The following TSHZ2 variants were observed in gnomAD, a reference collection of about 807,000 sequenced individuals.
TSHZ2 encodes the protein teashirt homolog 2.
In TSHZ2, 21 loss-of-function variants were observed where a neutral mutation model predicts 74.4. The observed-to-expected ratio is 0.28, with a 90% CI of 0.20 to 0.41. The LOEUF (loss-of-function observed/expected upper bound fraction) is 0.41, where lower values mean the gene tolerates loss of function less well. Among genes scored for constraint, TSHZ2 ranks in the 10% least tolerant of loss-of-function variants. The pLI is 1.00. For synonymous variants in TSHZ2, 540 were observed against 515.3 expected (o/e 1.05, Z -0.65); for missense variants, 1,244 against 1,293.5 (o/e 0.96, Z 0.59).
intron 2 of TSHZ2, among the ~76,000 whole-genome samples, chr20:53,372,834 T>C (rs1049379975): frequency 6.6e-6 from 1 of 152,214 alleles, no homozygotes; most frequent in Non-Finnish European, 1.5e-5. Context: ...TTAAGCTTCA[T>C]TGAACCTCTC....
chr20:53,329,419 A>G (rs1029003068), intron 2 of TSHZ2, among the ~76,000 whole-genome samples: 1 of 152,216 alleles, frequency 6.6e-6, no homozygotes, highest in African/African-American at 2.4e-5. Context: ...AGACCCCAGG[A>G]CTGTATTTCT....
chr20:53,265,754 A>G (rs1049891643), intron 2 of TSHZ2, among the ~76,000 whole-genome samples: 1 of 152,208 alleles, frequency 6.6e-6, no homozygotes, highest in African/African-American at 2.4e-5. Context: ...GGAAGGTTTT[A>G]CATACACATA....
chr20:53,134,170 T>C (rs1439011782), intron 1 of TSHZ2, among the ~76,000 whole-genome samples: 2 of 152,166 alleles, frequency 1.3e-5, no homozygotes, highest in African/African-American at 2.4e-5. Context: ...GCCAGACCAA[T>C]AGCAACCTCT....
intron 2 of TSHZ2, among the ~76,000 whole-genome samples, chr20:53,418,923 C>T (rs1475909112): frequency 6.6e-6 from 1 of 152,152 alleles, no homozygotes; most frequent in Non-Finnish European, 1.5e-5. Flanking sequence ...TGACTAACTC[C>T]TCTAAAGCCA....
chr20:53,145,058 C>G (rs1568781219), intron 1 of TSHZ2, among the ~76,000 whole-genome samples: 1 of 152,030 alleles, frequency 6.6e-6, no homozygotes, highest in Non-Finnish European at 1.5e-5. Flanking sequence ...AGAATGTATT[C>G]AACTAAAATT....
Position 53,443,410 on chromosome 20 carries a change from C to G in TSHZ2, c.*9-43734C>G, listed in dbSNP as rs118030380. Reference sequence around the variant, plus strand: ...TGAACTGGGACAGTTTAGACTGCATCTTGATCAACTCTAAATAGGAGAAAA... The same window carrying G: ...TGAACTGGGACAGTTTAGACTGCATGTTGATCAACTCTAAATAGGAGAAAA... On this transcript the variant is annotated intron_variant, in intron 2 of 2. Transcript: ENST00000371497. 3.3e-4 allele frequency among the ~76,000 whole-genome samples: 51 copies of G among 152,272 alleles called. No homozygotes were observed. The East Asian group carries it at 9.1e-3, about 27-fold the overall frequency.
chr20:53,251,528 T>C (rs1447549061), intron 1 of TSHZ2, among the ~76,000 whole-genome samples: 1 of 152,226 alleles, frequency 6.6e-6, no homozygotes, highest in African/African-American at 2.4e-5. Context: ...CGCTTATTAA[T>C]GGTTTTTTGA....
intron 2 of TSHZ2, among the ~76,000 whole-genome samples, chr20:53,371,896 AAAAG>A (rs1337891491): frequency 1.3e-5 from 2 of 151,804 alleles, no homozygotes; most frequent in Middle Eastern, 3.4e-3. Context: ...AAAGAAAAAA[AAAAG>A]AGTCAGCAGG....
At chr20:53,185,617 C>A in intron 1 of TSHZ2, 3 of 1,535,164 alleles carry the variant, frequency 2.0e-6, no homozygotes, top group Non-Finnish European at 2.6e-6. Context: ...AAGACTCCAT[C>A]TCAAAAAAAG....
At chr20:53,094,627 T>C (rs1028198983) in intron 1 of TSHZ2, among the ~76,000 whole-genome samples, 4 of 152,234 alleles carry the variant, frequency 2.6e-5, no homozygotes, top group African/African-American at 9.7e-5. Flanking sequence ...TGGCGTACTC[T>C]TGCTAACCTT....
chr20:53,031,971 G>GAGAA (rs542945527), intron 1 of TSHZ2, among the ~76,000 whole-genome samples: 1 of 152,018 alleles, frequency 6.6e-6, no homozygotes, highest in Non-Finnish European at 1.5e-5. Flanking sequence ...GATAGGAAGA[G>GAGAA]AGAAAGAAAG....
chr20:53,219,311 A>C (rs1166025992), intron 1 of TSHZ2, among the ~76,000 whole-genome samples: 1 of 152,248 alleles, frequency 6.6e-6, no homozygotes, highest in African/African-American at 2.4e-5. Context: ...ACAAGAAATA[A>C]AATTTGTGAG....
At chr20:53,375,020 G>C (rs922122283) in intron 2 of TSHZ2, among the ~76,000 whole-genome samples, 3 of 150,890 alleles carry the variant, frequency 2.0e-5, no homozygotes, top group Admixed American at 6.6e-5. Context: ...AATCTATTTT[G>C]AGGCATTTAT....
chr20:53,128,494 G>A (rs1987011268), intron 1 of TSHZ2, among the ~76,000 whole-genome samples: 1 of 152,102 alleles, frequency 6.6e-6, no homozygotes, highest in African/African-American at 2.4e-5. Context: ...GTAGTATGAT[G>A]ATAGATAATT....
intron 2 of TSHZ2, among the ~76,000 whole-genome samples, chr20:53,370,424 G>A (rs973757277): frequency 6.6e-6 from 1 of 152,140 alleles, no homozygotes; most frequent in Admixed American, 6.5e-5. Context: ...TGGTTTTTAT[G>A]TTAAATCTCT....
intron 2 of TSHZ2, among the ~76,000 whole-genome samples, chr20:53,394,701 A>G (rs1049285601): frequency 6.7e-6 from 1 of 148,474 alleles, no homozygotes; most frequent in Admixed American, 6.8e-5. Flanking sequence ...ACAAACACAC[A>G]TGTTCACTTA....
chr20:53,003,174 CTT>C (rs1982501719), intron 1 of TSHZ2, among the ~76,000 whole-genome samples: 8 of 151,566 alleles, frequency 5.3e-5, no homozygotes, highest in Non-Finnish European at 5.9e-5. Context: ...AGGTACTGTC[CTT>C]CATTGTGGGG....
intron 1 of TSHZ2, among the ~76,000 whole-genome samples, chr20:53,031,627 T>C (rs779074303): frequency 5.3e-5 from 8 of 152,114 alleles, no homozygotes; most frequent in Admixed American, 3.9e-4. Context: ...TGGAAAAGTG[T>C]ATAGAGGGTT....
chr20:53,031,877 T>G (rs1276280764), intron 1 of TSHZ2, among the ~76,000 whole-genome samples: 1 of 150,064 alleles, frequency 6.7e-6, no homozygotes, highest in Admixed American at 6.7e-5. Context: ...AGGCAAGTAA[T>G]CCATGTGCAG....
Sources: allele counts gnomAD v4.1 joint callset (sites outside exome capture counted in the v4.1 genomes callset), GRCh38; gene constraint gnomAD v4.1.1; transcripts MANE v1.5; gene names NCBI Gene and HGNC (gene_info 2026-07-23, HGNC 2026-07-21).